Variants in GAB2 observed in about 807,000 individuals in gnomAD.
GAB2 encodes the protein GRB2-associated-binding protein 2.
A neutral mutation model predicts 65.5 loss-of-function variants in GAB2; 26 were observed. The observed-to-expected ratio is 0.40, with a 90% CI of 0.29 to 0.55. The LOEUF (loss-of-function observed/expected upper bound fraction) is 0.55, where lower values mean the gene tolerates loss of function less well. Among genes scored for constraint, GAB2 ranks in the 20% least tolerant of loss-of-function variants. The pLI is 0.53. For missense variants in GAB2, 884 were observed against 875.8 expected (o/e 1.01, Z -0.12); for synonymous variants, 321 against 329.6 (o/e 0.97, Z 0.28).
At chr11:78,396,860 G>A (rs1294099306) in intron 1 of GAB2, among the ~76,000 whole-genome samples, 1 of 152,176 alleles carries the variant, frequency 6.6e-6, no homozygotes, top group African/African-American at 2.4e-5. Flanking sequence ...GCCTCCCAAA[G>A]TGCTGAGATC....
chr11:78,268,595 G>A (rs1452497480), intron 2 of GAB2, among the ~76,000 whole-genome samples: 8 of 152,176 alleles, frequency 5.3e-5, no homozygotes. Flanking sequence ...CTTATGAGAT[G>A]TTTGGGAGCC....
intron 1 of GAB2, among the ~76,000 whole-genome samples, chr11:78,400,413 A>T (rs1856954121): frequency 6.6e-6 from 1 of 152,216 alleles, no homozygotes; most frequent in Non-Finnish European, 1.5e-5. Flanking sequence ...AATGCCTTGA[A>T]GGCAGGGATG....
At chr11:78,346,310 C>A (rs543847040) in intron 1 of GAB2, among the ~76,000 whole-genome samples, 158 of 152,134 alleles carry the variant, frequency 1.0e-3, no homozygotes, top group African/African-American at 3.6e-3. Context: ...CTTATTCAGA[C>A]TTTTTATGAG....
rs557890298 is a variant in GAB2, at chr11:78,413,547, T to C, written c.75+4099A>G. 1.4e-4 allele frequency among the ~76,000 whole-genome samples: 22 copies of C among 152,108 alleles called. No homozygotes were observed. In the East Asian group the frequency reaches 2.9e-3, roughly 20 times the overall value. On this transcript the variant is annotated intron_variant, in intron 1 of 9. Transcript: ENST00000361507. Reference sequence around the variant, plus strand: ...CCTTTGTCAGAATAGCTTTGGTGAATAACAAAGTAGGTTTCCACTGGAGCC... The same window carrying C: ...CCTTTGTCAGAATAGCTTTGGTGAACAACAAAGTAGGTTTCCACTGGAGCC...
chr11:78,288,382 G>GAAAAAAAAAAA (rs369041941), intron 1 of GAB2, among the ~76,000 whole-genome samples: 2 of 119,384 alleles, frequency 1.7e-5, no homozygotes, highest in East Asian at 2.6e-4. Context: ...CCATCTCAAA[G>GAAAAAAAAAAA]AAAAAAAAAA....
chr11:78,246,405 T>C (rs887993819), intron 3 of GAB2, among the ~76,000 whole-genome samples: 2 of 152,240 alleles, frequency 1.3e-5, no homozygotes, highest in African/African-American at 4.8e-5. Flanking sequence ...GTTTTCAATA[T>C]GCTGAGACAT....
chr11:78,311,353 A>G (rs1053864663), intron 1 of GAB2, among the ~76,000 whole-genome samples: 1 of 152,206 alleles, frequency 6.6e-6, no homozygotes, highest in Non-Finnish European at 1.5e-5. Context: ...TGAAGATGAT[A>G]ATCCTAACCA....
At chr11:78,378,011 G>A (rs1006306447) in intron 1 of GAB2, among the ~76,000 whole-genome samples, 5 of 152,136 alleles carry the variant, frequency 3.3e-5, no homozygotes, top group Non-Finnish European at 5.9e-5. Context: ...CACCTACCAC[G>A]TGAGTGTCAG....
chr11:78,414,544 A>AT (rs1453603927), intron 1 of GAB2, among the ~76,000 whole-genome samples: 4 of 152,222 alleles, frequency 2.6e-5, no homozygotes, highest in Non-Finnish European at 4.4e-5. Flanking sequence ...TAATAATTAT[A>AT]TACATGTACG....
At chr11:78,343,442 G>A (rs1307618134) in intron 1 of GAB2, among the ~76,000 whole-genome samples, 1 of 151,230 alleles carries the variant, frequency 6.6e-6, no homozygotes, top group African/African-American at 2.4e-5. Flanking sequence ...GGAGGGAGAG[G>A]GAGAAGGAGA....
Position 78,316,390 on chromosome 11 carries a change from G to A in GAB2, c.76-35489C>T, listed in dbSNP as rs1376411421. ...TAGTTCTGTCCCTCTGGAGAACACT[G>A]ACTAGTACAGGATTATAAGGGGTTA... On this transcript the variant is annotated intron_variant, in intron 1 of 9. Transcript: ENST00000361507. 3.3e-5 allele frequency among the ~76,000 whole-genome samples: 5 copies of A among 152,058 alleles called. No individual in the cohort carries two copies. In the East Asian group the frequency reaches 9.6e-4, roughly 29 times the overall value.
chr11:78,339,990 T>C (rs1591050614), intron 1 of GAB2, among the ~76,000 whole-genome samples: 1 of 152,230 alleles, frequency 6.6e-6, no homozygotes, highest in African/African-American at 2.4e-5. Context: ...GGGTTGTTTT[T>C]CTTTTTAAAG....
chr11:78,396,782 A>G (rs1489483236), intron 1 of GAB2, among the ~76,000 whole-genome samples: 2 of 152,244 alleles, frequency 1.3e-5, no homozygotes, highest in Middle Eastern at 3.4e-3. Flanking sequence ...TTTTTAGTAG[A>G]GATGGGATTT....
chr11:78,324,788 A>T (rs1855793074), intron 1 of GAB2: 1 of 152,222 alleles, frequency 6.6e-6, no homozygotes, highest in Admixed American at 6.5e-5. Flanking sequence ...AAAAGACCAT[A>T]CAAGGTAAGA....
chr11:78,262,650 C>T (rs1865764901), intron 2 of GAB2, among the ~76,000 whole-genome samples: 1 of 152,188 alleles, frequency 6.6e-6, no homozygotes. Flanking sequence ...CAATAATCTC[C>T]TGGTTTCACA....
chr11:78,366,958 T>C (rs1270863679), intron 1 of GAB2, among the ~76,000 whole-genome samples: 1 of 152,028 alleles, frequency 6.6e-6, no homozygotes, highest in African/African-American at 2.4e-5. Context: ...GCTTCCATTA[T>C]GTGCAAGGTA....
chr11:78,376,814 G>T (rs1371948177), intron 1 of GAB2, among the ~76,000 whole-genome samples: 1 of 152,134 alleles, frequency 6.6e-6, no homozygotes, highest in Admixed American at 6.5e-5. Context: ...TTAAACAACA[G>T]ACTGACAGTT....
In GAB2 at chr11:78,353,417, G is replaced by T. The variant is rs181674197; in HGVS notation, c.75+64229C>A. On this transcript the variant is annotated intron_variant, in intron 1 of 9. Coordinates refer to ENST00000361507, the MANE Select transcript of GAB2 (RefSeq NM_080491.3). ...GATTGTGCCATTGCACTCCAGCCTG[G>T]GTAAAAGAGTGAGACTTTGTCTCAA... Among the ~76,000 whole-genome samples the T allele has an allele frequency of 3.9e-5, 6 of 152,284 alleles. 1 individual carries two copies. The East Asian group carries it at 1.2e-3, about 29-fold the overall frequency.
intron 2 of GAB2, among the ~76,000 whole-genome samples, chr11:78,250,969 G>T (rs1225900465): frequency 6.6e-6 from 1 of 152,016 alleles, no homozygotes; most frequent in African/African-American, 2.4e-5. Flanking sequence ...AGGGAGAGAG[G>T]GGGACAAGGA....
Sources: gnomAD v4.1 joint callset for allele counts (sites outside exome capture counted in the v4.1 genomes callset) on GRCh38, gnomAD v4.1.1 for gene constraint, MANE v1.5 for transcripts, NCBI Gene and HGNC (gene_info 2026-07-23, HGNC 2026-07-21) for gene names.